PI4KA: variants seen among roughly 807,000 people sequenced by gnomAD.
PI4KA encodes the protein phosphatidylinositol 4-kinase alpha.
PI4KA carries 122 observed loss-of-function variants against 271.4 expected under a neutral mutation model. The ratio of observed to expected loss-of-function variants is 0.45; its 90% CI spans 0.39 to 0.52. PI4KA has a LOEUF of 0.52. Among genes scored for constraint, PI4KA ranks in the 20% least tolerant of loss-of-function variants. The probability of loss-of-function intolerance (pLI) is 0.00; values close to 1 mark genes in which losing one functional copy is unlikely to be tolerated. For synonymous variants in PI4KA, 1,041 were observed against 1,078.8 expected (o/e 0.96, Z 0.69); for missense variants, 1,969 against 2,769.1 (o/e 0.71, Z 6.48).
chr22:20,803,991 C>T (rs573558950), intron 12 of PI4KA, among the ~76,000 whole-genome samples: 1 of 152,212 alleles, frequency 6.6e-6, no homozygotes, highest in Non-Finnish European at 1.5e-5. Flanking sequence ...CATCCCCTTG[C>T]GTGGCCCCAT....
intron 1 of PI4KA, among the ~76,000 whole-genome samples, chr22:20,852,364 G>T (rs1442838865): frequency 6.6e-6 from 1 of 152,094 alleles, no homozygotes. Context: ...GGGCACTGAG[G>T]GAAGGCTACG....
intron 23 of PI4KA, 36 bp downstream of exon 23, chr22:20,761,268 C>T (rs778206529): frequency 8.1e-7 from 1 of 1,228,718 alleles, no homozygotes; most frequent in South Asian, 1.2e-5. Flanking sequence ...TATTAAAGCT[C>T]AATTCATCAT....
At chr22:20,722,246 G>A (rs1157919136) in intron 42 of PI4KA, among the ~76,000 whole-genome samples, 2 of 152,150 alleles carry the variant, frequency 1.3e-5, no homozygotes, top group African/African-American at 4.8e-5. Context: ...TAGTGCAGTG[G>A]TACAATCTCA....
At chr22:20,793,541 G>A (rs1444151011) in intron 18 of PI4KA, among the ~76,000 whole-genome samples, 1 of 151,950 alleles carries the variant, frequency 6.6e-6, no homozygotes, top group Non-Finnish European at 1.5e-5. Flanking sequence ...AAAGCATTTA[G>A]TCACCATGGA....
At chr22:20,758,507 T>C (rs1931593998) in intron 23 of PI4KA, among the ~76,000 whole-genome samples, 1 of 149,920 alleles carries the variant, frequency 6.7e-6, no homozygotes, top group South Asian at 2.1e-4. Context: ...TGTTAGTATG[T>C]TTTATGTGTG....
At chr22:20,841,743 T>A (rs1925578484) in intron 1 of PI4KA, among the ~76,000 whole-genome samples, 3 of 152,166 alleles carry the variant, frequency 2.0e-5, no homozygotes, top group Admixed American at 2.0e-4. Context: ...TGGAGGGATA[T>A]CCTGGATTAT....
chr22:20,727,625 T>C (rs1057157812), intron 40 of PI4KA, 149 bp downstream of exon 40: 38 of 702,744 alleles, frequency 5.4e-5, no homozygotes, highest in Admixed American at 9.2e-5. Context: ...AGACAAGAAA[T>C]AGAAAACACA....
chr22:20,718,184 C>A (rs4052227), intron 44 of PI4KA, among the ~76,000 whole-genome samples: 12 of 152,228 alleles, frequency 7.9e-5, no homozygotes, highest in African/African-American at 1.2e-4. Context: ...AGTGTAAGCA[C>A]TGGAGACAGC....
In PI4KA at chr22:20,714,673, G is replaced by A. The variant is rs1269324992; in HGVS notation, c.5345C>T (p.Ala1782Val). Residue 1782 changes from alanine to valine, a missense_variant, in exon 46 of 55, where the codon GCC becomes GTC. Physicochemically the swap from Ala to Val is moderately conservative, Grantham distance 64. Around this residue, in one of 13 missense-constraint regions of PI4KA, gnomAD observed 388 missense variants for 521.5 expected, o/e 0.74. Transcript: ENST00000255882. The stretch of plus-strand genomic sequence containing the variant: ...CTTGTAGTCGATGTCCAGCACAATG[G>A]CCTCAGGGTTGCTGGGCAGGTAGCA... ...PGCYLPSNPE[A>V]IVLDIDYKSG... 2.5e-6 allele frequency: 4 copies of A among 1,613,984 alleles called. No homozygotes were observed. Among genetic ancestry groups the A allele is most frequent in the Non-Finnish European group, 3.4e-6 (4 of 1,179,856 alleles).
rs186120903 is a variant in PI4KA at position 20,747,386 on chromosome 22, G to T, written c.3363+197C>A. 2,515 of 469,460 alleles carry T rather than the reference G, an allele frequency of 5.4e-3. 10 individuals carry two copies. Among genetic ancestry groups the T allele is most frequent in the Non-Finnish European group, 7.8e-3 (2,073 of 267,070 alleles). The allele number at this position is 469,460 out of a possible 1,614,324, so 29.1% of individuals were successfully genotyped here. On this transcript the variant is annotated intron_variant, in intron 29 of 54. Transcript: ENST00000255882. ...TTTAAAAAAAAAAAAGCACAATAAG[G>T]AAACACTCATTTCAATGGCCACCTC...
At position 20,803,248 on chromosome 22, in the gene PI4KA, C is replaced by G. The variant is rs1358698423; in HGVS notation, c.1534G>C (p.Val512Leu). The G allele has an allele frequency of 1.2e-6, 2 of 1,614,092 alleles. No homozygotes were observed. The highest frequency in any genetic ancestry group is 2.2e-5 in the East Asian group (1 of 44,876). Residue 512 changes from valine to leucine, a missense_variant, in exon 13 of 55, where the codon GTC (valine) becomes CTC (leucine). Coordinates refer to ENST00000255882, the MANE Select transcript of PI4KA (RefSeq NM_058004.4). ...SVTPSLRDFLVIPSPVLVKLY... is the reference protein window; with the variant it reads ...SVTPSLRDFLLIPSPVLVKLY... The stretch of plus-strand genomic sequence containing the variant: ...TTCACCAGAACTGGGGACGGGATGA[C>G]CAGGAAGTCTCGCAAGGACGGTGTC...
chr22:20,808,152 T>C (rs1445114432), intron 9 of PI4KA, among the ~76,000 whole-genome samples: 1 of 151,372 alleles, frequency 6.6e-6, no homozygotes. Flanking sequence ...TAGCTGGGCG[T>C]GGTGGTACAT....
chr22:20,767,580 A>G (rs139047435), intron 19 of PI4KA, among the ~76,000 whole-genome samples: 4,496 of 151,950 alleles, frequency 0.03, 89 homozygotes, highest in Middle Eastern at 0.062. Context: ...CTCCCACCTC[A>G]GCCTTCCCAG....
At chr22:20,836,086 A>AAACAAAACAAAACAC (rs1223046828) in intron 2 of PI4KA, among the ~76,000 whole-genome samples, 4 of 150,048 alleles carry the variant, frequency 2.7e-5, no homozygotes, top group African/African-American at 9.7e-5. Context: ...AAACAAAACA[A>AAACAAAACAAAACAC]AAAACAACAA....
At chr22:20,771,051 A>G (rs909463453) in intron 19 of PI4KA, among the ~76,000 whole-genome samples, 4 of 152,138 alleles carry the variant, frequency 2.6e-5, no homozygotes, top group Admixed American at 2.0e-4. Flanking sequence ...GTTGGAAAAA[A>G]TATCTAGCCA....
chr22:20,760,867 T>C (rs557300160), intron 23 of PI4KA, among the ~76,000 whole-genome samples: 3 of 152,340 alleles, frequency 2.0e-5, no homozygotes, highest in South Asian at 2.1e-4. Flanking sequence ...GGCATGATCA[T>C]AGCTCACTGC....
chr22:20,776,943 C>T (rs1303190728), intron 19 of PI4KA, among the ~76,000 whole-genome samples: 5 of 152,182 alleles, frequency 3.3e-5, no homozygotes, highest in African/African-American at 1.2e-4. Flanking sequence ...TAACTCTTAC[C>T]TGGCCTCAAC....
intron 32 of PI4KA, 81 bp from the exon 33 acceptor site, chr22:20,734,634 G>A (rs1298275111): frequency 2.2e-6 from 3 of 1,336,400 alleles, no homozygotes; most frequent in Admixed American, 2.2e-5. Context: ...TTAAAAAAAG[G>A]AACACGTGCT....
At chr22:20,742,105 A>G (rs1382316420) in intron 32 of PI4KA, 123 bp downstream of exon 32, 10 of 932,138 alleles carry the variant, frequency 1.1e-5, no homozygotes, top group Non-Finnish European at 1.6e-5. Context: ...AAGGAGACTG[A>G]GGCTTGAGAA....
Sources: allele counts gnomAD v4.1 joint callset (sites outside exome capture counted in the v4.1 genomes callset), GRCh38; gene constraint gnomAD v4.1.1; regional missense constraint gnomAD v4.1.1; transcripts MANE v1.5; gene names NCBI Gene and HGNC (gene_info 2026-07-23, HGNC 2026-07-21).